PRKG1: variants seen among roughly 807,000 people sequenced by gnomAD.
PRKG1 encodes the protein protein kinase cGMP-dependent 1.
PRKG1 carries 35 observed loss-of-function variants against 88.1 expected under a neutral mutation model. The observed-to-expected ratio is 0.40, with a 90% CI of 0.30 to 0.53. The LOEUF is 0.53. Ranked by LOEUF, PRKG1 falls within the 20% of genes least tolerant of loss-of-function variation. The pLI is 0.59. For synonymous variants in PRKG1, 303 were observed against 292.5 expected (o/e 1.04, Z -0.37); for missense variants, 540 against 839.8 (o/e 0.64, Z 4.41).
intron 1 of PRKG1, among the ~76,000 whole-genome samples, chr10:51,133,545 A>T (rs1441714974): frequency 1.3e-5 from 2 of 152,220 alleles, no homozygotes; most frequent in Non-Finnish European, 2.9e-5. Context: ...AGGAAAAAAG[A>T]TTCAAACTCA....
chr10:52,053,091 G>C (rs1846028967), intron 5 of PRKG1, among the ~76,000 whole-genome samples: 1 of 152,034 alleles, frequency 6.6e-6, no homozygotes. Flanking sequence ...TTTTTATTTA[G>C]AAATAATTAT....
At chr10:51,738,247 G>C (rs1837342297) in intron 3 of PRKG1, among the ~76,000 whole-genome samples, 1 of 152,118 alleles carries the variant, frequency 6.6e-6, no homozygotes, top group Non-Finnish European at 1.5e-5. Flanking sequence ...GTACCAGATA[G>C]ATATTACCTA....
At chr10:51,017,145 T>A (rs972481085) in intron 1 of PRKG1, among the ~76,000 whole-genome samples, 2 of 152,056 alleles carry the variant, frequency 1.3e-5, no homozygotes, top group East Asian at 3.9e-4. Flanking sequence ...CTTAAGTACA[T>A]CTCCTCTAAA....
chr10:52,263,469 G>T (rs1841485994), intron 10 of PRKG1, among the ~76,000 whole-genome samples: 1 of 151,866 alleles, frequency 6.6e-6, no homozygotes, highest in African/African-American at 2.4e-5. Context: ...ATAATTCAGT[G>T]ATTTTTAGAA....
chr10:51,548,945 A>G (rs1409506038), intron 3 of PRKG1, among the ~76,000 whole-genome samples: 1 of 151,928 alleles, frequency 6.6e-6, no homozygotes, highest in East Asian at 1.9e-4. Context: ...TTACCTGATA[A>G]AAAACTTTCT....
intron 8 of PRKG1, among the ~76,000 whole-genome samples, chr10:52,151,542 T>C (rs987772274): frequency 9.2e-5 from 14 of 152,162 alleles, no homozygotes; most frequent in African/African-American, 3.1e-4. Context: ...TGTAATCTGG[T>C]CCAGAAAAGC....
chr10:51,267,946 A>G (rs1262653563), intron 2 of PRKG1, among the ~76,000 whole-genome samples: 1 of 152,216 alleles, frequency 6.6e-6, no homozygotes, highest in Non-Finnish European at 1.5e-5. Context: ...GATATCGGGC[A>G]AAATTCACCC....
chr10:51,236,564 A>G (rs1838995389), intron 2 of PRKG1, among the ~76,000 whole-genome samples: 1 of 150,090 alleles, frequency 6.7e-6, no homozygotes, highest in Non-Finnish European at 1.5e-5. Flanking sequence ...GTGCAGTGGC[A>G]TGATCTTGGC....
chr10:51,533,866 A>G (rs1457258978), intron 3 of PRKG1, among the ~76,000 whole-genome samples: 1 of 152,180 alleles, frequency 6.6e-6, no homozygotes, highest in Non-Finnish European at 1.5e-5. Flanking sequence ...CTGTCTTAGA[A>G]TCGGAAGGTT....
intron 9 of PRKG1, among the ~76,000 whole-genome samples, chr10:52,244,588 G>A (rs1840955567): frequency 6.6e-6 from 1 of 150,648 alleles, no homozygotes; most frequent in South Asian, 2.1e-4. Context: ...CTTTTTAAAC[G>A]TGAAAATATC....
intron 2 of PRKG1, among the ~76,000 whole-genome samples, chr10:51,217,628 G>T (rs1257101784): frequency 6.6e-6 from 1 of 152,078 alleles, no homozygotes; most frequent in Non-Finnish European, 1.5e-5. Flanking sequence ...CCTTCTATGA[G>T]TTAGGAATAA....
At chr10:52,053,488 G>A (rs1043761040) in intron 5 of PRKG1, among the ~76,000 whole-genome samples, 1 of 152,148 alleles carries the variant, frequency 6.6e-6, no homozygotes, top group South Asian at 2.1e-4. Flanking sequence ...GTTTTGTTAG[G>A]AGTGTGCAAA....
At chr10:52,200,881 T>C (rs571429612) in intron 9 of PRKG1, among the ~76,000 whole-genome samples, 14 of 152,306 alleles carry the variant, frequency 9.2e-5, no homozygotes, top group Non-Finnish European at 1.8e-4. Flanking sequence ...GGTCATGTCC[T>C]TTGCCCACTG....
intron 3 of PRKG1, among the ~76,000 whole-genome samples, chr10:51,711,416 T>G (rs575090524): frequency 3.9e-5 from 6 of 152,188 alleles, no homozygotes; most frequent in Non-Finnish European, 8.8e-5. Context: ...ACCTTTCTTT[T>G]TCATATACAG....
intron 2 of PRKG1, among the ~76,000 whole-genome samples, chr10:51,275,603 A>C (rs914217571): frequency 1.3e-5 from 2 of 152,216 alleles, no homozygotes; most frequent in African/African-American, 2.4e-5. Context: ...AATATAATTT[A>C]ATTTTATAGG....
At chr10:52,039,916 A>G (rs1030974908) in intron 5 of PRKG1, among the ~76,000 whole-genome samples, 1 of 152,140 alleles carries the variant, frequency 6.6e-6, no homozygotes, top group African/African-American at 2.4e-5. Context: ...AAAGGGGGCA[A>G]AATCCTAAAT....
chr10:51,332,339 T>C (rs1841762285), intron 2 of PRKG1, among the ~76,000 whole-genome samples: 1 of 152,172 alleles, frequency 6.6e-6, no homozygotes, highest in Non-Finnish European at 1.5e-5. Flanking sequence ...AAATGGGCCA[T>C]GCTATTCCTT....
At chr10:51,891,712 C>T (rs751678524) in intron 4 of PRKG1, among the ~76,000 whole-genome samples, 15 of 152,138 alleles carry the variant, frequency 9.9e-5, no homozygotes, top group Non-Finnish European at 1.3e-4. Context: ...TGGTCTTTGT[C>T]GCAACGCAAC....
chr10:52,203,696 T>C (rs1425673993), intron 9 of PRKG1, among the ~76,000 whole-genome samples: 8 of 152,262 alleles, frequency 5.3e-5, no homozygotes, highest in Admixed American at 1.3e-4. Context: ...TAGCTGCTCA[T>C]GCATTGGATG....
Sources: gnomAD v4.1 joint callset for allele counts (sites outside exome capture counted in the v4.1 genomes callset) on GRCh38, gnomAD v4.1.1 for gene constraint, MANE v1.5 for transcripts, NCBI Gene and HGNC (gene_info 2026-07-23, HGNC 2026-07-21) for gene names.